ARMH3: variants seen among roughly 807,000 people sequenced by gnomAD.
The protein encoded by ARMH3 is armadillo-like helical domain-containing protein 3.
ARMH3 carries 60 observed loss-of-function variants against 99.1 expected under a neutral mutation model. The ratio of observed to expected loss-of-function variants is 0.61; its 90% CI spans 0.49 to 0.75. The LOEUF is 0.75. Among genes scored for constraint, ARMH3 ranks in the 30% least tolerant of loss-of-function variants. The pLI, the probability that ARMH3 is intolerant of heterozygous loss-of-function variation, is 0.00. For missense variants in ARMH3, 679 were observed against 843.1 expected, an observed-to-expected ratio of 0.81 and a Z score of 2.41; for synonymous variants, 285 against 292.8, an observed-to-expected ratio of 0.97 and a Z score of 0.27.
At chr10:101,908,694 G>A (rs1203742872) in intron 23 of ARMH3, among the ~76,000 whole-genome samples, 2 of 141,358 alleles carry the variant, frequency 1.4e-5, no homozygotes, top group Non-Finnish European at 1.5e-5. Flanking sequence ...ACAGAGTTTC[G>A]CTCTTGTCAC....
intron 15 of ARMH3, among the ~76,000 whole-genome samples, chr10:101,997,521 G>A (rs1027380141): frequency 6.6e-6 from 1 of 151,934 alleles, no homozygotes; most frequent in African/African-American, 2.4e-5. Flanking sequence ...GAACCCGGGA[G>A]GCAGAGGTTG....
Position 101,916,618 on chromosome 10 carries a change from T to C in ARMH3, c.1781+23245A>G, listed in dbSNP as rs565784865. ...ACAGCAAAACTTACCCTTTTTAGTG[T>C]TGTAATGGTTAATTTTATTATCAAC... On this transcript the variant is annotated intron_variant, in intron 23 of 25. Transcript: ENST00000370033. Among the ~76,000 whole-genome samples the C allele has an allele frequency of 9.8e-5, 15 of 152,312 alleles. No homozygotes were observed. The South Asian group carries it at 2.7e-3, about 27-fold the overall frequency.
chr10:101,985,306 A>G (rs1258821305), intron 19 of ARMH3, among the ~76,000 whole-genome samples: 11 of 101,264 alleles, frequency 1.1e-4, no homozygotes, highest in Non-Finnish European at 2.3e-4. Flanking sequence ...GTATATATAC[A>G]TGTATATACA....
At chr10:101,863,652 G>A (rs1451998869) in intron 24 of ARMH3, among the ~76,000 whole-genome samples, 4 of 152,110 alleles carry the variant, frequency 2.6e-5, no homozygotes, top group Non-Finnish European at 4.4e-5. Flanking sequence ...GGTTGTGCAT[G>A]GTAGCTCGTG....
chr10:102,039,078 T>A (rs2067347811), intron 2 of ARMH3, among the ~76,000 whole-genome samples: 1 of 152,022 alleles, frequency 6.6e-6, no homozygotes, highest in African/African-American at 2.4e-5. Flanking sequence ...ACTTTATGCG[T>A]ACTACTTATG....
intron 24 of ARMH3, among the ~76,000 whole-genome samples, chr10:101,865,986 C>T (rs557049410): frequency 1.3e-5 from 2 of 150,716 alleles, no homozygotes; most frequent in Admixed American, 6.6e-5. Flanking sequence ...TTTGGGAGGC[C>T]GAGGCAGGTG....
intron 24 of ARMH3, among the ~76,000 whole-genome samples, chr10:101,865,213 C>T (rs1216393046): frequency 7.5e-6 from 1 of 132,626 alleles, no homozygotes; most frequent in African/African-American, 2.9e-5. Context: ...GAGACTATGT[C>T]TCAAAAAAAA....
intron 15 of ARMH3, among the ~76,000 whole-genome samples, chr10:102,001,306 T>C (rs2136059799): frequency 6.6e-6 from 1 of 152,126 alleles, no homozygotes; most frequent in Middle Eastern, 3.4e-3. Flanking sequence ...AAAACTAAGA[T>C]ATATACTGGA....
At position 102,027,859 on chromosome 10, in the gene ARMH3, T is replaced by A. The variant is rs560684732; in HGVS notation, c.414+1779A>T. Among the ~76,000 whole-genome samples, 258 of 151,882 alleles carry A rather than the reference T, an allele frequency of 1.7e-3. 1 individual carries two copies. Among genetic ancestry groups the A allele is most frequent in the Middle Eastern group, 6.8e-3 (2 of 294 alleles). ...TATAAAGATTCTCTGGTATACAGAT[T>A]TATTTTAAATTTAATGAGTGACAGA... On this transcript the variant is annotated intron_variant, in intron 5 of 25. Coordinates refer to ENST00000370033, the MANE Select transcript of ARMH3 (RefSeq NM_024541.3).
intron 24 of ARMH3, among the ~76,000 whole-genome samples, chr10:101,880,597 G>A (rs1218691090): frequency 6.6e-6 from 1 of 152,132 alleles, no homozygotes; most frequent in Non-Finnish European, 1.5e-5. Context: ...CATGGTGGGA[G>A]CATTCACACC....
chr10:101,906,315 A>G (rs1842635054), intron 23 of ARMH3, among the ~76,000 whole-genome samples: 3 of 152,222 alleles, frequency 2.0e-5, no homozygotes, highest in Non-Finnish European at 4.4e-5. Flanking sequence ...GGCAACTTTG[A>G]CTTTATTAGC....
intron 23 of ARMH3, among the ~76,000 whole-genome samples, chr10:101,892,178 C>T (rs2067708944): frequency 6.6e-6 from 1 of 152,048 alleles, no homozygotes; most frequent in Non-Finnish European, 1.5e-5. Flanking sequence ...GGTGCAGTGG[C>T]TCACAACTAT....
intron 23 of ARMH3, among the ~76,000 whole-genome samples, chr10:101,901,979 G>A (rs922213447): frequency 1.3e-5 from 2 of 152,164 alleles, no homozygotes; most frequent in African/African-American, 4.8e-5. Flanking sequence ...GTTAATGGCA[G>A]CCTCAACATC....
chr10:101,995,406 T>C lies in ARMH3; in HGVS notation c.1151-51A>G, dbSNP rs753655856. 6 of 1,425,586 alleles carry C rather than the reference T, an allele frequency of 4.2e-6. No homozygotes were observed. The South Asian group carries it at 5.8e-5, about 14-fold the overall frequency. 88.3% of individuals were successfully genotyped at this position (1,425,586 alleles called of 1,614,324 possible). On this transcript the variant is annotated intron_variant, in intron 15 of 25. Coordinates refer to ENST00000370033, the MANE Select transcript of ARMH3 (RefSeq NM_024541.3). ...CTGTAAATCATCCAGATTTACATCA[T>C]CTGTTTCAATACAGAACAAGGACGT...
chr10:101,892,818 C>G (rs1434163970), intron 23 of ARMH3, among the ~76,000 whole-genome samples: 1 of 152,198 alleles, frequency 6.6e-6, no homozygotes, highest in Non-Finnish European at 1.5e-5. Flanking sequence ...GCCTGGTACA[C>G]AGCTTGTGCT....
At chr10:101,978,456 G>C (rs944593738) in intron 19 of ARMH3, among the ~76,000 whole-genome samples, 1 of 152,180 alleles carries the variant, frequency 6.6e-6, no homozygotes, top group Non-Finnish European at 1.5e-5. Flanking sequence ...GTTAGATACA[G>C]AGCTACCACA....
chr10:102,037,774 G>C (rs1034430087), intron 2 of ARMH3, among the ~76,000 whole-genome samples: 1 of 151,940 alleles, frequency 6.6e-6, no homozygotes, highest in Non-Finnish European at 1.5e-5. Context: ...TGTTATTAGA[G>C]AGGGGAGTCT....
At chr10:102,016,550 C>G (rs557265933) in intron 8 of ARMH3, among the ~76,000 whole-genome samples, 1 of 152,224 alleles carries the variant, frequency 6.6e-6, no homozygotes, top group South Asian at 2.1e-4. Flanking sequence ...AAAGGAACAA[C>G]TTAATTAGAC....
At chr10:101,859,165 G>A (rs1477521112) in intron 24 of ARMH3, among the ~76,000 whole-genome samples, 1 of 152,220 alleles carries the variant, frequency 6.6e-6, no homozygotes, top group African/African-American at 2.4e-5. Context: ...TTTGGAGTCA[G>A]CTGCTTAACT....
Sources: gnomAD v4.1 joint callset for allele counts (sites outside exome capture counted in the v4.1 genomes callset) on GRCh38, gnomAD v4.1.1 for gene constraint, MANE v1.5 for transcripts, NCBI Gene and HGNC (gene_info 2026-07-23, HGNC 2026-07-21) for gene names.